Variants in IDO2 observed in about 807,000 individuals in gnomAD.
IDO2 encodes indoleamine 2,3-dioxygenase-like 1 protein.
In IDO2, 46 loss-of-function variants were observed where a neutral mutation model predicts 45.1. The ratio of observed to expected loss-of-function variants is 1.02; its 90% CI spans 0.80 to 1.30. The LOEUF (loss-of-function observed/expected upper bound fraction) is 1.30. Ranked by LOEUF, IDO2 falls within the 50% of genes most tolerant of loss-of-function variation. The pLI is 0.00. For synonymous variants in IDO2, 218 were observed against 184.9 expected (o/e 1.18, Z -1.45); for missense variants, 544 against 491.8 (o/e 1.11, Z -1.00).
At chr8:39,991,093 C>T (rs1173554126) in intron 8 of IDO2, among the ~76,000 whole-genome samples, 1 of 152,092 alleles carries the variant, frequency 6.6e-6, no homozygotes, top group Non-Finnish European at 1.5e-5. Flanking sequence ...CTAGGTACTG[C>T]CAAGCTTTAT....
intron 1 of IDO2, among the ~76,000 whole-genome samples, chr8:39,938,279 C>CA (rs1249845953): frequency 1.0e-4 from 9 of 88,122 alleles, no homozygotes; most frequent in Admixed American, 3.0e-4. Flanking sequence ...TCTATCTCTA[C>CA]AAAAAATTCT....
intron 1 of IDO2, among the ~76,000 whole-genome samples, chr8:39,943,886 G>A (rs1206956305): frequency 6.6e-6 from 1 of 152,138 alleles, no homozygotes; most frequent in African/African-American, 2.4e-5. Context: ...CCTAGCCAGA[G>A]CAATCAAACA....
chr8:40,004,749 A>G (rs1802194868), intron 8 of IDO2, among the ~76,000 whole-genome samples: 1 of 152,238 alleles, frequency 6.6e-6, no homozygotes, highest in South Asian at 2.1e-4. Context: ...AGTAAACTGG[A>G]AGAATCAGTT....
intron 2 of IDO2, among the ~76,000 whole-genome samples, chr8:39,961,574 G>A (rs982262530): frequency 1.3e-5 from 2 of 151,866 alleles, no homozygotes; most frequent in East Asian, 1.9e-4. Context: ...CGCCCTCCTC[G>A]GCCTCCCCAA....
intron 3 of IDO2, among the ~76,000 whole-genome samples, chr8:39,965,039 A>G (rs1808064449): frequency 6.6e-6 from 1 of 152,246 alleles, no homozygotes; most frequent in Non-Finnish European, 1.5e-5. Context: ...CGTCTGCCGT[A>G]GGCATTTACC....
intron 1 of IDO2, among the ~76,000 whole-genome samples, chr8:39,943,778 C>CATACTGAA (rs1393411218): frequency 8.7e-5 from 13 of 148,684 alleles, no homozygotes; most frequent in Admixed American, 2.0e-4. Flanking sequence ...TAGCTAACAT[C>CATACTGAA]ATACTGAATG....
At chr8:40,000,341 C>T (rs907749104) in intron 8 of IDO2, among the ~76,000 whole-genome samples, 19 of 151,030 alleles carry the variant, frequency 1.3e-4, no homozygotes, top group Non-Finnish European at 2.4e-4. Flanking sequence ...ACCCAGGAGG[C>T]GGAGGTTGCA....
intron 3 of IDO2, among the ~76,000 whole-genome samples, chr8:39,966,777 T>C (rs1254049400): frequency 6.6e-6 from 1 of 152,176 alleles, no homozygotes; most frequent in African/African-American, 2.4e-5. Flanking sequence ...AAAATCCATA[T>C]TAGACACTAA....
At chr8:39,997,347 A>G (rs1802061596) in intron 8 of IDO2, among the ~76,000 whole-genome samples, 2 of 151,838 alleles carry the variant, frequency 1.3e-5, no homozygotes, top group Non-Finnish European at 2.9e-5. Flanking sequence ...GGAAACAAAA[A>G]TATTTTATAC....
At chr8:39,936,225 A>G (rs565133819) in intron 1 of IDO2, among the ~76,000 whole-genome samples, 13 of 152,330 alleles carry the variant, frequency 8.5e-5, no homozygotes, top group African/African-American at 3.1e-4. Flanking sequence ...GGTACTGTAG[A>G]TGCATTTTGA....
intron 2 of IDO2, among the ~76,000 whole-genome samples, chr8:39,952,862 G>A (rs527890659): frequency 4.0e-5 from 6 of 151,818 alleles, no homozygotes; most frequent in South Asian, 2.1e-4. Context: ...TCCGCCTCCC[G>A]GGTTCAAGCG....
Position 39,935,072 on chromosome 8 carries a change from G to T in IDO2, c.-164G>T, listed in dbSNP as rs1187031178. 4 of 884,234 alleles carry T rather than the reference G, an allele frequency of 4.5e-6. No homozygotes were observed. The highest frequency in any genetic ancestry group is 3.9e-6 in the Non-Finnish European group (2 of 516,568). 54.8% of individuals were successfully genotyped at this position (884,234 alleles called of 1,614,324 possible). A position where few individuals can be genotyped will look rare whatever the true frequency, so the allele number is the denominator to read the frequency against. Reference sequence around the variant, plus strand: ...AGCTTTATAAATATTTTAAAGACAAGGATTGGATTAGATTTGACATTAGAA... The same window carrying T: ...AGCTTTATAAATATTTTAAAGACAATGATTGGATTAGATTTGACATTAGAA... On this transcript the variant is annotated 5_prime_UTR_variant, in exon 1 of 11. The change creates a new upstream start codon in the 5' untranslated region. Coordinates refer to ENST00000502986, the Ensembl canonical transcript of IDO2.
At chr8:39,982,565 G>A in intron 4 of IDO2, 87 bp from the exon 5 acceptor site, 1 of 868,230 alleles carries the variant, frequency 1.2e-6, no homozygotes, top group Non-Finnish European at 1.8e-6. Context: ...TGTACCACAG[G>A]ATTGCCGAAA....
chr8:39,997,147 G>T (rs914196871), intron 8 of IDO2, among the ~76,000 whole-genome samples: 1 of 152,102 alleles, frequency 6.6e-6, no homozygotes, highest in African/African-American at 2.4e-5. Context: ...CAAGCAACTT[G>T]CATTCAAAAT....
intron 8 of IDO2, among the ~76,000 whole-genome samples, chr8:39,991,555 A>T (rs562162017): frequency 4.8e-5 from 7 of 146,702 alleles, no homozygotes; most frequent in Non-Finnish European, 8.9e-5. Context: ...GCTCACTTTC[A>T]GACTCACTTC....
chr8:40,015,670 A>G (rs1489574789), exon 11 of IDO2: 11 of 1,093,580 alleles, frequency 1.0e-5, no homozygotes, highest in Admixed American at 2.0e-5. Context: ...AATGAGGGTC[A>G]GGGTTCTGCC....
intron 8 of IDO2, 75 bp from the exon 9 acceptor site, chr8:40,005,252 C>A: frequency 4.2e-6 from 4 of 948,504 alleles, no homozygotes; most frequent in Non-Finnish European, 6.3e-6. Flanking sequence ...TCCGGGACAG[C>A]AGCAGGGCCC....
At chr8:39,995,230 TCTCCTTCTCCTTCTC>T in intron 8 of IDO2, 2 of 85,892 alleles carry the variant, frequency 2.3e-5, no homozygotes, top group African/African-American at 1.2e-4. Flanking sequence ...TCCTTCTCCT[TCTCCTTCTCCTTCTC>T]CTTCTCCTTC....
intron 1 of IDO2, among the ~76,000 whole-genome samples, chr8:39,937,648 G>A (rs891818693): frequency 4.6e-5 from 7 of 151,518 alleles, no homozygotes; most frequent in Non-Finnish European, 1.0e-4. Flanking sequence ...AACCCCCCAC[G>A]TAGCTAGGAC....
Sources: allele counts gnomAD v4.1 joint callset (sites outside exome capture counted in the v4.1 genomes callset), GRCh38; gene constraint gnomAD v4.1.1; transcripts MANE v1.5; gene names NCBI Gene and HGNC (gene_info 2026-07-23, HGNC 2026-07-21).